VDAC1: variants seen among roughly 807,000 people sequenced by gnomAD.
The protein encoded by VDAC1 is non-selective voltage-gated ion channel VDAC1.
In VDAC1, 10 loss-of-function variants were observed where a neutral mutation model predicts 34.7. The ratio of observed to expected loss-of-function variants is 0.29; its 90% CI spans 0.18 to 0.49. The LOEUF is 0.49. Among genes scored for constraint, VDAC1 ranks in the 20% least tolerant of loss-of-function variants. The pLI is 0.99. For missense variants in VDAC1, 230 were observed against 347.9 expected (o/e 0.66, Z 2.69); for synonymous variants, 130 against 136.0 (o/e 0.96, Z 0.30).
chr5:134,011,441 C>G, the VDAC1 span, among the ~76,000 whole-genome samples: 1 of 151,902 alleles, frequency 6.6e-6, no homozygotes, highest in Non-Finnish European at 1.5e-5. Flanking sequence ...AACCTTATAC[C>G]CTTTGATCAT....
the VDAC1 span, among the ~76,000 whole-genome samples, chr5:134,073,111 T>C: frequency 0.43 from 65,952 of 152,030 alleles, 15,159 homozygotes; most frequent in Non-Finnish European, 0.52. Context: ...GGCAGCCCTG[T>C]TAGCCAGACC....
At chr5:134,098,204 T>TATTATTATTATC in the VDAC1 span, among the ~76,000 whole-genome samples, 28 of 72,662 alleles carry the variant, frequency 3.9e-4, no homozygotes, top group Non-Finnish European at 7.4e-4. Flanking sequence ...TTATTATTAT[T>TATTATTATTATC]ATTATTTTGA....
intron 1 of VDAC1, among the ~76,000 whole-genome samples, chr5:134,003,883 G>C (rs1483371067): frequency 6.6e-6 from 1 of 152,224 alleles, no homozygotes; most frequent in Non-Finnish European, 1.5e-5. Flanking sequence ...TCCAAAGTCA[G>C]GCTCCGAAAC....
the VDAC1 span, among the ~76,000 whole-genome samples, chr5:134,011,580 G>C: frequency 6.6e-6 from 1 of 151,656 alleles, no homozygotes; most frequent in African/African-American, 2.4e-5. Context: ...TGACATGGGG[G>C]GATTGTCCTA....
At chr5:134,023,597 T>G in the VDAC1 span, among the ~76,000 whole-genome samples, 5 of 152,264 alleles carry the variant, frequency 3.3e-5, no homozygotes, top group Non-Finnish European at 5.9e-5. Context: ...GAACATTCAT[T>G]CATTCAACAA....
upstream of VDAC1, among the ~76,000 whole-genome samples, chr5:134,007,629 T>C (rs950269922): frequency 1.3e-5 from 2 of 152,070 alleles, no homozygotes; most frequent in African/African-American, 4.8e-5. Context: ...TCAGATCCTC[T>C]CTTGCAAACC....
intron 6 of VDAC1, among the ~76,000 whole-genome samples, chr5:133,977,847 T>G (rs1409267075): frequency 6.6e-6 from 1 of 152,178 alleles, no homozygotes; most frequent in Non-Finnish European, 1.5e-5. Flanking sequence ...CTGTTTGATT[T>G]TACAACCATG....
intron 1 of VDAC1, among the ~76,000 whole-genome samples, chr5:133,994,500 A>G (rs993294741): frequency 1.3e-5 from 2 of 151,978 alleles, no homozygotes; most frequent in African/African-American, 2.4e-5. Context: ...ATGAGGGGGG[A>G]AGATCCATTT....
the VDAC1 span, among the ~76,000 whole-genome samples, chr5:134,085,127 G>A: frequency 6.6e-6 from 1 of 150,988 alleles, no homozygotes; most frequent in Non-Finnish European, 1.5e-5. Context: ...GGAGTGCAGT[G>A]GCGCGATCTC....
the VDAC1 span, among the ~76,000 whole-genome samples, chr5:134,083,299 G>A: frequency 3.5e-4 from 52 of 149,070 alleles, no homozygotes; most frequent in Non-Finnish European, 4.4e-4. Flanking sequence ...AGCGATTCTC[G>A]TGCCTCAGCC....
chr5:134,033,917 G>A, the VDAC1 span, among the ~76,000 whole-genome samples: 365 of 152,008 alleles, frequency 2.4e-3, 3 homozygotes, highest in Admixed American at 5.6e-3. Context: ...GCATGAACCC[G>A]GGAGGCGGAG....
chr5:134,037,844 G>A, the VDAC1 span, among the ~76,000 whole-genome samples: 1 of 152,084 alleles, frequency 6.6e-6, no homozygotes, highest in Non-Finnish European at 1.5e-5. Flanking sequence ...CAAAAAACCT[G>A]TAGATTAGTG....
chr5:134,103,042 C>G, the VDAC1 span, among the ~76,000 whole-genome samples: 1 of 152,216 alleles, frequency 6.6e-6, no homozygotes, highest in African/African-American at 2.4e-5. Flanking sequence ...TCCCTCCCCT[C>G]TGAGGGCCGG....
the VDAC1 span, among the ~76,000 whole-genome samples, chr5:134,026,533 A>AC: frequency 6.6e-6 from 1 of 151,640 alleles, no homozygotes; most frequent in East Asian, 1.9e-4. Context: ...AAAAAAAAAA[A>AC]AAAAAACACT....
chr5:134,030,548 C>T, the VDAC1 span, among the ~76,000 whole-genome samples: 7 of 151,742 alleles, frequency 4.6e-5, no homozygotes, highest in South Asian at 2.1e-4. Context: ...CTCAGACCAG[C>T]AGGTTTCAGT....
the VDAC1 span, among the ~76,000 whole-genome samples, chr5:134,054,298 G>A: frequency 1.3e-5 from 2 of 152,162 alleles, no homozygotes; most frequent in South Asian, 4.1e-4. Context: ...ATCTCCAGCA[G>A]GCAGGAACAA....
At chr5:134,105,043 T>A in the VDAC1 span, among the ~76,000 whole-genome samples, 1 of 152,108 alleles carries the variant, frequency 6.6e-6, no homozygotes, top group South Asian at 2.1e-4. Flanking sequence ...CTAGCCTACC[T>A]CCCGAGAGCT....
chr5:134,041,611 C>G, the VDAC1 span, among the ~76,000 whole-genome samples: 2 of 152,198 alleles, frequency 1.3e-5, no homozygotes, highest in Non-Finnish European at 2.9e-5. Context: ...ATGGTGGGAC[C>G]GAGCTGGTGG....
At chr5:134,106,815 T>A in the VDAC1 span, among the ~76,000 whole-genome samples, 2 of 152,210 alleles carry the variant, frequency 1.3e-5, no homozygotes, top group Non-Finnish European at 2.9e-5. Flanking sequence ...AGCTACCAAG[T>A]GGCGGGAGCA....
Sources: allele counts gnomAD v4.1 joint callset (sites outside exome capture counted in the v4.1 genomes callset), GRCh38; gene constraint gnomAD v4.1.1; transcripts MANE v1.5; gene names NCBI Gene and HGNC (gene_info 2026-07-23, HGNC 2026-07-21).